Variants in TJP1 observed in about 807,000 individuals in gnomAD.
TJP1 encodes tight junction protein ZO-1.
Under a neutral mutation model 194.2 loss-of-function variants are expected in TJP1, and 43 were observed. The ratio of observed to expected loss-of-function variants is 0.22; its 90% CI spans 0.17 to 0.29. The LOEUF is 0.29. TJP1 is among the 10% of genes least tolerant of loss of function. TJP1 has a pLI of 1.00. For missense variants in TJP1, 1,971 were observed against 2,185.7 expected (o/e 0.90, Z 1.96); for synonymous variants, 801 against 779.0 (o/e 1.03, Z -0.47).
Position 29,966,870 on chromosome 15 carries a change from A to C in TJP1, c.173+1797T>G, listed in dbSNP as rs531169696. Among the ~76,000 whole-genome samples, 81 of 152,298 alleles carry C rather than the reference A, an allele frequency of 5.3e-4. 1 individual carries two copies. In the South Asian group the frequency reaches 0.017, roughly 32 times the overall value. On this transcript the variant is annotated intron_variant, in intron 1 of 28. Coordinates refer to the TJP1 transcript ENST00000356107. ...ACCCCCACATACCATCAATCTGAGAAGCGATCTTCAAATGTTACCCCTTCT... is the reference window on the plus strand; with the variant it reads ...ACCCCCACATACCATCAATCTGAGACGCGATCTTCAAATGTTACCCCTTCT...
chr15:29,846,802 T>C (rs1231480116), intron 2 of TJP1, among the ~76,000 whole-genome samples: 1 of 152,016 alleles, frequency 6.6e-6, no homozygotes, highest in African/African-American at 2.4e-5. Context: ...GGCGGGTGCC[T>C]GTAGTCCCAG....
intron 2 of TJP1, among the ~76,000 whole-genome samples, chr15:29,912,245 C>T (rs1223718833): frequency 1.3e-5 from 2 of 152,218 alleles, no homozygotes; most frequent in African/African-American, 2.4e-5. Flanking sequence ...AAAGGTCCTA[C>T]CGCCTAATAC....
chr15:29,741,459 G>A, intron 9 of TJP1, 23 bp from the exon 10 acceptor site: 2 of 1,506,520 alleles, frequency 1.3e-6, no homozygotes, highest in African/African-American at 1.4e-5. Context: ...AAATTGAGTA[G>A]GACTCACTTT....
chr15:29,919,235 A>G (rs2152244741), intron 2 of TJP1, among the ~76,000 whole-genome samples: 1 of 152,190 alleles, frequency 6.6e-6, no homozygotes, highest in East Asian at 1.9e-4. Flanking sequence ...AGAGGCAAAC[A>G]AGGTCTCCAT....
chr15:29,704,174 C>G lies in TJP1; in HGVS notation c.5200G>C (p.Asp1734His). 1 of 1,560,604 alleles carries G rather than the reference C, an allele frequency of 6.4e-7. No individual in the cohort carries two copies. The highest frequency in any genetic ancestry group is 1.9e-5 in the Admixed American group (1 of 51,450). Residue 1734 changes from aspartate to histidine, a missense_variant, in exon 27 of 28, where the codon GAC (aspartate) becomes CAC (histidine). Transcript: ENST00000614355. ...GAAGACAGCATACCCGACGAGGAGT[C>G]GGATGATTTTAGAGCAAAAGACCAA... is the stretch of plus-strand genomic sequence containing the variant. ...DGWSFALKSS[D>H]SSSGDPKTWQ...
chr15:29,878,314 G>A (rs1184465837), intron 2 of TJP1, among the ~76,000 whole-genome samples: 2 of 151,606 alleles, frequency 1.3e-5, no homozygotes, highest in South Asian at 4.2e-4. Flanking sequence ...CCTCCCAAAG[G>A]GCTGGGATTA....
chr15:29,808,686 T>C (rs577849475), intron 1 of TJP1, among the ~76,000 whole-genome samples: 9 of 152,298 alleles, frequency 5.9e-5, no homozygotes, highest in Non-Finnish European at 1.0e-4. Context: ...GTCTTTCCTA[T>C]ACAAACAGTA....
intron 2 of TJP1, among the ~76,000 whole-genome samples, chr15:29,935,764 C>T (rs557094774): frequency 6.6e-6 from 1 of 152,214 alleles, no homozygotes; most frequent in Admixed American, 6.5e-5. Flanking sequence ...ATCTGGTCTC[C>T]TGGGCCATCA....
chr15:29,952,467 A>C (rs564395764), intron 2 of TJP1, among the ~76,000 whole-genome samples: 1 of 152,246 alleles, frequency 6.6e-6, no homozygotes, highest in Non-Finnish European at 1.5e-5. Flanking sequence ...GTGAAATGGC[A>C]TCATTCTGAT....
intron 2 of TJP1, among the ~76,000 whole-genome samples, chr15:29,774,320 A>C (rs959546308): frequency 1.4e-4 from 22 of 152,324 alleles, no homozygotes; most frequent in African/African-American, 4.8e-4. Context: ...AAAAGAAAAA[A>C]AAAAATCTTC....
intron 4 of TJP1, among the ~76,000 whole-genome samples, chr15:29,771,374 T>C (rs2046664184): frequency 6.6e-6 from 1 of 152,174 alleles, no homozygotes; most frequent in African/African-American, 2.4e-5. Flanking sequence ...TGTGTGTATC[T>C]AAACACGGTA....
chr15:29,713,527 AG>A (rs1272587165), intron 23 of TJP1, among the ~76,000 whole-genome samples: 1 of 152,222 alleles, frequency 6.6e-6, no homozygotes, highest in Non-Finnish European at 1.5e-5. Context: ...CATCATCTGA[AG>A]GAAGAAAATT....
At position 29,701,391 on chromosome 15, in the gene TJP1, G is replaced by A. The variant is rs1212909807; in HGVS notation, c.*204C>T. On this transcript the variant is annotated 3_prime_UTR_variant, in exon 28 of 28. Coordinates refer to ENST00000614355, the MANE Select transcript of TJP1 (RefSeq NM_001330239.4). ...ACCTCTAGCCAATACCAACAGTCCC[G>A]TCAATCACAAACATGCAGTGTGTAG... 3 of 449,636 alleles carry A rather than the reference G, an allele frequency of 6.7e-6. No homozygotes were observed. Among genetic ancestry groups the A allele is most frequent in the Non-Finnish European group, 7.9e-6 (2 of 252,800 alleles). The allele number at this position is 449,636 out of a possible 1,614,324, so 27.9% of individuals were successfully genotyped here.
At chr15:29,699,531 G>A (rs541555052), downstream of TJP1, 1 of 152,192 alleles carries the variant, frequency 6.6e-6, no homozygotes, top group Non-Finnish European at 1.5e-5. Flanking sequence ...TAAACAGTAT[G>A]TGTTTGTCAA....
chr15:29,753,752 T>C (rs547115827), intron 8 of TJP1, among the ~76,000 whole-genome samples: 69 of 151,532 alleles, frequency 4.6e-4, no homozygotes, highest in Admixed American at 7.9e-4. Flanking sequence ...TGATTAACCA[T>C]TGAAATACTT....
intron 2 of TJP1, among the ~76,000 whole-genome samples, chr15:29,788,184 G>A (rs1445804558): frequency 6.6e-6 from 1 of 152,072 alleles, no homozygotes; most frequent in African/African-American, 2.4e-5. Context: ...AGTTATAAAA[G>A]TTCTTTATAT....
At position 29,701,610 on chromosome 15, in the gene TJP1, A is replaced by G. The variant is rs1238662997; in HGVS notation, c.5292T>C (p.Leu1764=). 6.2e-7 allele frequency: 1 copy of G among 1,613,848 alleles called. No individual in the cohort carries two copies. The highest frequency in any genetic ancestry group is 2.2e-5 in the East Asian group (1 of 44,876). ...YLVGANCVSV[L]IDHF is the part of the protein sequence containing the mutation. ...ATTTCAAGAGTTAAAAGTGGTCAAT[A>G]AGGACAGAAACACAGTTTGCTCCAA... The change falls in exon 28 of 28, where the codon CTT becomes CTC. Residue 1764 remains leucine (L), a synonymous_variant. Transcript: ENST00000614355.
chr15:29,827,922 GCATGC>G (rs2050724606), intron 2 of TJP1, among the ~76,000 whole-genome samples: 1 of 152,152 alleles, frequency 6.6e-6, no homozygotes, highest in South Asian at 2.1e-4. Flanking sequence ...TGTTGTGAAT[GCATGC>G]CCAGGTCTTT....
chr15:29,948,882 A>G (rs1159420011), intron 2 of TJP1, among the ~76,000 whole-genome samples: 1 of 151,772 alleles, frequency 6.6e-6, no homozygotes, highest in Non-Finnish European at 1.5e-5. Context: ...AGAAGGCTCA[A>G]TCACTCTCTA....
Sources: allele counts gnomAD v4.1 joint callset (sites outside exome capture counted in the v4.1 genomes callset), GRCh38; gene constraint gnomAD v4.1.1; transcripts MANE v1.5; gene names NCBI Gene and HGNC (gene_info 2026-07-23, HGNC 2026-07-21).